The following MORF4L1 variants were observed in gnomAD, a reference collection of about 807,000 sequenced individuals.
MORF4L1 encodes the protein mortality factor 4-like protein 1.
Under a neutral mutation model 52.9 loss-of-function variants are expected in MORF4L1, and 4 were observed. The observed-to-expected ratio is 0.08, with a 90% CI of 0.04 to 0.17. MORF4L1 has a LOEUF of 0.17. Ranked by LOEUF, MORF4L1 falls within the 10% of genes least tolerant of loss-of-function variation. The probability of loss-of-function intolerance (pLI) is 1.00; values close to 1 mark genes in which losing one functional copy is unlikely to be tolerated. For synonymous variants in MORF4L1, 123 were observed against 134.8 expected, an observed-to-expected ratio of 0.91 and a Z score of 0.61; for missense variants, 214 against 390.4, an observed-to-expected ratio of 0.55 and a Z score of 3.81.
At chr15:78,895,006 A>G in intron 11 of MORF4L1, 102 bp downstream of exon 11, 1 of 900,018 alleles carries the variant, frequency 1.1e-6, no homozygotes, top group South Asian at 1.4e-5. Context: ...ATATTGGTAC[A>G]GGCATAGATA....
chr15:78,886,088 T>C, intron 3 of MORF4L1, 53 bp from the exon 4 acceptor site: 1 of 1,365,478 alleles, frequency 7.3e-7, no homozygotes, highest in South Asian at 1.2e-5. Context: ...CTCAGAAAAT[T>C]AGTTGGAGAA....
At chr15:78,873,968 G>A (rs765327053) in intron 1 of MORF4L1, 1 of 152,226 alleles carries the variant, frequency 6.6e-6, no homozygotes, top group Non-Finnish European at 1.5e-5. Context: ...GTAATTGTTT[G>A]ATTAGTTGCA....
intron 1 of MORF4L1, among the ~76,000 whole-genome samples, chr15:78,874,875 G>T (rs891661575): frequency 6.7e-6 from 1 of 149,722 alleles, no homozygotes; most frequent in Non-Finnish European, 1.5e-5. Flanking sequence ...AATTGAGGAA[G>T]ATTTTTTTTT....
intron 7 of MORF4L1, 96 bp from the exon 8 acceptor site, chr15:78,892,116 G>T: frequency 2.3e-5 from 16 of 687,840 alleles, no homozygotes; most frequent in East Asian, 5.8e-5. Flanking sequence ...GCTACTTTAA[G>T]ATTTATCCCT....
intron 5 of MORF4L1, among the ~76,000 whole-genome samples, chr15:78,890,382 CCT>C (rs1491183763): frequency 3.3e-5 from 5 of 151,492 alleles, no homozygotes; most frequent in African/African-American, 1.2e-4. Context: ...ACCTTTGACA[CCT>C]TTTTTTTTTG....
chr15:78,881,734 T>G (rs1299683823), intron 3 of MORF4L1, among the ~76,000 whole-genome samples: 3 of 152,230 alleles, frequency 2.0e-5, no homozygotes, highest in Admixed American at 6.5e-5. Flanking sequence ...TTACATTTTA[T>G]TAATGATGCC....
At position 78,874,983 on chromosome 15, in the gene MORF4L1, C is replaced by T. The variant is rs553391230; in HGVS notation, c.40+1926C>T. Among the ~76,000 whole-genome samples, 5 of 152,066 alleles carry T rather than the reference C, an allele frequency of 3.3e-5. No homozygotes were observed. The South Asian group carries it at 8.3e-4, about 25-fold the overall frequency. Reference sequence around the variant, plus strand: ...TAGCATTTTCAGTATATTTTCATATCTCAACATTACAGTTATGGAAGATGT... The same window carrying T: ...TAGCATTTTCAGTATATTTTCATATTTCAACATTACAGTTATGGAAGATGT... On this transcript the variant is annotated intron_variant, in intron 1 of 11. Transcript: ENST00000426013.
At chr15:78,882,727 A>C (rs1268914645) in intron 3 of MORF4L1, among the ~76,000 whole-genome samples, 2 of 152,142 alleles carry the variant, frequency 1.3e-5, no homozygotes, top group African/African-American at 2.4e-5. Context: ...TCAAAAAAAA[A>C]CACAAAGCAA....
At chr15:78,895,001 G>T in intron 11 of MORF4L1, 97 bp downstream of exon 11, 1 of 957,564 alleles carries the variant, frequency 1.0e-6, no homozygotes. Flanking sequence ...ACATTATATT[G>T]GTACAGGCAT....
Position 78,878,195 on chromosome 15 carries a change from C to T in MORF4L1, c.41-18C>T. On this transcript the variant is annotated intron_variant, in intron 1 of 11. Transcript: ENST00000426013. ...TATGAGAAGAAATTACAATTCAGTA[C>T]TTTTTCTCCCTTTACAGGTGAGCGA... The T allele has an allele frequency of 6.2e-7, 1 of 1,605,782 alleles. No individual in the cohort carries two copies. The highest frequency in any genetic ancestry group is 8.5e-7 in the Non-Finnish European group (1 of 1,176,812).
In MORF4L1 at chr15:78,897,111, T is replaced by G. The variant is rs371483390; in HGVS notation, c.*44T>G. 2.8e-4 allele frequency: 414 copies of G among 1,474,230 alleles called. 1 individual carries two copies. The highest frequency in any genetic ancestry group is 3.7e-4 in the Non-Finnish European group (393 of 1,056,124). The allele number at this position is 1,474,230 out of a possible 1,614,324, so 91.3% of individuals were successfully genotyped here. A position where few individuals can be genotyped will look rare whatever the true frequency, so the allele number is the denominator to read the frequency against. ...TATGTTTGGATCTCCGTAAACACATTTTTGTTCTTAGTCTATCTCTTGTAC... is the reference window on the plus strand; with the variant it reads ...TATGTTTGGATCTCCGTAAACACATGTTTGTTCTTAGTCTATCTCTTGTAC... On this transcript the variant is annotated 3_prime_UTR_variant, in exon 12 of 12. Coordinates refer to ENST00000426013, the MANE Select transcript of MORF4L1 (RefSeq NM_006791.4).
chr15:78,892,052 G>A (rs555324278), intron 7 of MORF4L1, among the ~76,000 whole-genome samples, 160 bp from the exon 8 acceptor site: 3 of 152,166 alleles, frequency 2.0e-5, no homozygotes, highest in Non-Finnish European at 4.4e-5. Context: ...AGCGAACCGC[G>A]TATGGTCGTT....
chr15:78,877,272 C>T (rs956083542), intron 1 of MORF4L1, among the ~76,000 whole-genome samples: 1 of 152,076 alleles, frequency 6.6e-6, no homozygotes. Context: ...AGGCACACAC[C>T]ACCATGCCTG....
chr15:78,880,711 CATT>C, intron 3 of MORF4L1, 132 bp downstream of exon 3: 1 of 615,354 alleles, frequency 1.6e-6, no homozygotes, highest in Non-Finnish European at 2.8e-6. Context: ...AAAGGTGAAT[CATT>C]TGTAGTATGA....
intron 1 of MORF4L1, among the ~76,000 whole-genome samples, chr15:78,876,772 T>C (rs1484376191): frequency 1.3e-5 from 2 of 152,192 alleles, no homozygotes; most frequent in African/African-American, 4.8e-5. Context: ...TCAGAAATGC[T>C]ATTCGTAGGT....
At position 78,886,447 on chromosome 15, in the gene MORF4L1, A is replaced by G. The variant is rs896491445; in HGVS notation, c.242+220A>G. On this transcript the variant is annotated intron_variant, in intron 4 of 11. Transcript: ENST00000426013. ...ACTTGAGCTTATCTTAGACCTAGGTAGAAAACAGCAGAATGTTGTTGGAAA... is the reference window on the plus strand; with the variant it reads ...ACTTGAGCTTATCTTAGACCTAGGTGGAAAACAGCAGAATGTTGTTGGAAA... 10 of 532,668 alleles carry G rather than the reference A, an allele frequency of 1.9e-5. 1 individual carries two copies. Among genetic ancestry groups the G allele is most frequent in the African/African-American group, 1.9e-5 (1 of 52,848 alleles). The allele number at this position is 532,668 out of a possible 1,614,324, so 33.0% of individuals were successfully genotyped here.
intron 3 of MORF4L1, among the ~76,000 whole-genome samples, chr15:78,883,129 C>T (rs907543858): frequency 6.6e-6 from 1 of 150,794 alleles, no homozygotes; most frequent in African/African-American, 2.4e-5. Context: ...GCAGGAGAAT[C>T]GCTTGAACCC....
intron 10 of MORF4L1, chr15:78,894,468 G>A (rs1406346282): frequency 2.6e-6 from 1 of 379,768 alleles, no homozygotes; most frequent in African/African-American, 2.1e-5. Context: ...GAGTGCAGTG[G>A]TGCGATCTTT....
intron 3 of MORF4L1, chr15:78,885,057 A>G (rs976760297): frequency 1.9e-6 from 3 of 1,613,910 alleles, no homozygotes; most frequent in Non-Finnish European, 2.5e-6. Context: ...GAGCTCCCTC[A>G]GTACACCACC....
Sources: gnomAD v4.1 joint callset for allele counts (sites outside exome capture counted in the v4.1 genomes callset) on GRCh38, gnomAD v4.1.1 for gene constraint, MANE v1.5 for transcripts, NCBI Gene and HGNC (gene_info 2026-07-23, HGNC 2026-07-21) for gene names.